The following ARHGAP20 variants were observed in gnomAD, a reference collection of about 807,000 sequenced individuals.
ARHGAP20 encodes the protein Rho GTPase activating protein 20, also known as rho GTPase-activating protein 20.
In ARHGAP20, 34 loss-of-function variants were observed where a neutral mutation model predicts 73.7. The ratio of observed to expected loss-of-function variants is 0.46; its 90% CI spans 0.35 to 0.61. The LOEUF (loss-of-function observed/expected upper bound fraction) is 0.61. Among genes scored for constraint, ARHGAP20 ranks in the 20% least tolerant of loss-of-function variants. The pLI, the probability that ARHGAP20 is intolerant of heterozygous loss-of-function variation, is 0.00. For synonymous variants in ARHGAP20, 523 were observed against 518.2 expected (o/e 1.01, Z -0.13); for missense variants, 1,314 against 1,420.9 (o/e 0.92, Z 1.21).
At chr11:110,646,920 G>C (rs1949206102) in intron 2 of ARHGAP20, among the ~76,000 whole-genome samples, 1 of 152,078 alleles carries the variant, frequency 6.6e-6, no homozygotes, top group African/African-American at 2.4e-5. Context: ...AAGAAGGCAA[G>C]AGTGGAAGCA....
chr11:110,595,449 A>T (rs2134840787), intron 9 of ARHGAP20, among the ~76,000 whole-genome samples: 1 of 152,372 alleles, frequency 6.6e-6, no homozygotes, highest in Admixed American at 6.5e-5. Context: ...GCAAAGTCTC[A>T]GGATACAAAA....
chr11:110,644,379 G>A (rs1449222292), intron 2 of ARHGAP20, among the ~76,000 whole-genome samples: 1 of 152,094 alleles, frequency 6.6e-6, no homozygotes, highest in Non-Finnish European at 1.5e-5. Flanking sequence ...CAAAGCTGGA[G>A]GCATCACATT....
intron 2 of ARHGAP20, among the ~76,000 whole-genome samples, chr11:110,637,455 T>A (rs1948991709): frequency 6.6e-6 from 1 of 152,132 alleles, no homozygotes; most frequent in African/African-American, 2.4e-5. Flanking sequence ...CCATGAAAAC[T>A]TTTTATCAAC....
In ARHGAP20 at chr11:110,599,231, C is replaced by G. The variant is rs11213495; in HGVS notation, c.965-7076G>C. 7.1e-3 allele frequency among the ~76,000 whole-genome samples: 1,079 copies of G among 152,372 alleles called. 16 individuals are homozygous for G. The highest frequency in any genetic ancestry group is 0.025 in the African/African-American group (1,021 of 41,598). On this transcript the variant is annotated intron_variant, in intron 9 of 14. Transcript: ENST00000683387. ...GTCCTTAAGGCCACCCCTGCCCTCA[C>G]AGGCTCAGAAGTGCCTGCTACCATT...
At chr11:110,623,789 A>G (rs201874787) in intron 4 of ARHGAP20, among the ~76,000 whole-genome samples, 1 of 100,240 alleles carries the variant, frequency 1.0e-5, no homozygotes, top group Admixed American at 1.3e-4. Flanking sequence ...GATGTTGAAG[A>G]GGGGGTCCTA....
chr11:110,597,294 T>A (rs1279291939), intron 9 of ARHGAP20, among the ~76,000 whole-genome samples: 4 of 142,624 alleles, frequency 2.8e-5, no homozygotes, highest in African/African-American at 2.6e-5. Flanking sequence ...ATAATAAAAT[T>A]AAAAAAAAAA....
chr11:110,587,030 G>T (rs984145744), intron 11 of ARHGAP20, among the ~76,000 whole-genome samples: 5 of 152,208 alleles, frequency 3.3e-5, no homozygotes, highest in Non-Finnish European at 7.3e-5. Flanking sequence ...TTTTCTAGGA[G>T]ACCCTATTCT....
intron 1 of ARHGAP20, among the ~76,000 whole-genome samples, chr11:110,696,861 T>C (rs1950346434): frequency 1.3e-5 from 2 of 151,816 alleles, no homozygotes; most frequent in South Asian, 4.1e-4. Flanking sequence ...TTTAGGATAA[T>C]GGCCTCTAGG....
chr11:110,581,225 T>A lies in ARHGAP20; in HGVS notation c.1721A>T (p.Asp574Val), dbSNP rs1336261535. ...GTCATTCAGTTGAAAGCAAGAAATA[T>A]CTGTCAAAAAAATTAAACCATGATT... ...VRCDTRENAS[D>V]ISCFQLNDSS... Residue 574 changes from aspartate to valine, a missense_variant and splice_region_variant, in exon 15 of 15, where the codon GAT (aspartate) becomes GTT (valine). Asp to Val is a radical substitution (Grantham distance 152). Transcript: ENST00000683387. 8 of 1,598,390 alleles carry A rather than the reference T, an allele frequency of 5.0e-6. No homozygotes were observed. The East Asian group carries it at 1.6e-4, about 31-fold the overall frequency.
intron 2 of ARHGAP20, among the ~76,000 whole-genome samples, chr11:110,666,776 T>G (rs1288839079): frequency 6.6e-6 from 1 of 152,226 alleles, no homozygotes; most frequent in Non-Finnish European, 1.5e-5. Flanking sequence ...CAGTAATCTT[T>G]GATGTTACTA....
chr11:110,582,285 G>T, intron 14 of ARHGAP20, 36 bp downstream of exon 14: 1 of 1,511,198 alleles, frequency 6.6e-7, no homozygotes, highest in East Asian at 2.3e-5. Context: ...CCATGTGTCT[G>T]TTTCTCACAA....
At chr11:110,700,206 G>A (rs1185570442) in intron 1 of ARHGAP20, among the ~76,000 whole-genome samples, 1 of 151,892 alleles carries the variant, frequency 6.6e-6, no homozygotes, top group Non-Finnish European at 1.5e-5. Context: ...AATTTTTCAT[G>A]CTTTGTTTTG....
At chr11:110,624,075 A>AACATTTGAT (rs1948684331) in intron 4 of ARHGAP20, 87 bp downstream of exon 4, 23 of 1,461,794 alleles carry the variant, frequency 1.6e-5, no homozygotes, top group Non-Finnish European at 2.1e-5. Context: ...TTAGAGGAAC[A>AACATTTGAT]ACATTTGATT....
chr11:110,669,155 T>C (rs1005170116), intron 2 of ARHGAP20, among the ~76,000 whole-genome samples: 4 of 152,138 alleles, frequency 2.6e-5, no homozygotes, highest in Non-Finnish European at 5.9e-5. Flanking sequence ...TTGAAAAACA[T>C]TGTTATGAGA....
rs144272596 is a variant in ARHGAP20, at chr11:110,615,409, G to A, written c.545+144C>T. 157 of 638,844 alleles carry A rather than the reference G, an allele frequency of 2.5e-4. 4 individuals carry two copies. The highest frequency in any genetic ancestry group is 1.0e-3 in the African/African-American group (54 of 53,698). 39.6% of individuals were successfully genotyped at this position (638,844 alleles called of 1,614,324 possible). A position where few individuals can be genotyped will look rare whatever the true frequency, so the allele number is the denominator to read the frequency against. On this transcript the variant is annotated intron_variant, in intron 5 of 14. Coordinates refer to ENST00000683387, the MANE Select transcript of ARHGAP20 (RefSeq NM_001384657.1). ...TGTAGCAAGTAAGTAGCTAGTGTAC[G>A]ATATAAACGGCAGCTTATTTAGAGG...
chr11:110,705,643 T>C (rs1950539937), intron 1 of ARHGAP20, among the ~76,000 whole-genome samples: 1 of 152,228 alleles, frequency 6.6e-6, no homozygotes. Context: ...TAAAATGCAC[T>C]ATGTAATCAC....
intron 2 of ARHGAP20, among the ~76,000 whole-genome samples, chr11:110,684,344 C>A (rs140277299): frequency 1.3e-5 from 2 of 151,882 alleles, no homozygotes; most frequent in Non-Finnish European, 1.5e-5. Flanking sequence ...ATTCAAAATT[C>A]TTTCTTAAAA....
intron 1 of ARHGAP20, among the ~76,000 whole-genome samples, chr11:110,706,557 A>G (rs937082292): frequency 2.0e-5 from 3 of 152,268 alleles, no homozygotes; most frequent in Admixed American, 6.5e-5. Flanking sequence ...TTCTGATGTT[A>G]CATTTTTTAA....
chr11:110,630,989 A>G lies in ARHGAP20; in HGVS notation c.189-197T>C, dbSNP rs552306352. Among the ~76,000 whole-genome samples the G allele has an allele frequency of 2.6e-5, 4 of 152,334 alleles. No individual in the cohort carries two copies. In the South Asian group the frequency reaches 8.3e-4, roughly 32 times the overall value. On this transcript the variant is annotated intron_variant, in intron 2 of 14. Transcript: ENST00000683387. ...AAAAGTTGAAATAGTTTTATAATAAACACATGTATATGTATCTCAATATAG... is the reference window on the plus strand; with the variant it reads ...AAAAGTTGAAATAGTTTTATAATAAGCACATGTATATGTATCTCAATATAG...
Sources: gnomAD v4.1 joint callset for allele counts (sites outside exome capture counted in the v4.1 genomes callset) on GRCh38, gnomAD v4.1.1 for gene constraint, MANE v1.5 for transcripts, NCBI Gene and HGNC (gene_info 2026-07-23, HGNC 2026-07-21) for gene names.